Variants in AXIN1 observed in about 807,000 individuals in gnomAD.
The protein encoded by AXIN1 is axin 1.
Under a neutral mutation model 76.4 loss-of-function variants are expected in AXIN1, and 30 were observed. The ratio of observed to expected loss-of-function variants is 0.39; its 90% CI spans 0.29 to 0.53. The LOEUF is 0.53. Among genes scored for constraint, AXIN1 ranks in the 20% least tolerant of loss-of-function variants. AXIN1 has a pLI of 0.66. For synonymous variants in AXIN1, 545 were observed against 501.4 expected, an observed-to-expected ratio of 1.09 and a Z score of -1.16; for missense variants, 1,140 against 1,198.8, an observed-to-expected ratio of 0.95 and a Z score of 0.72.
At chr16:329,641 A>T (rs1221269655) in intron 2 of AXIN1, among the ~76,000 whole-genome samples, 1 of 148,816 alleles carries the variant, frequency 6.7e-6, no homozygotes, top group African/African-American at 2.5e-5. Flanking sequence ...TTTGAGACGG[A>T]GTCTCGCTAT....
intron 2 of AXIN1, among the ~76,000 whole-genome samples, chr16:328,785 C>A (rs891586811): frequency 9.2e-5 from 14 of 152,230 alleles, no homozygotes; most frequent in Admixed American, 9.2e-4. Flanking sequence ...CACATGGCAA[C>A]GGGTGCTACA....
In AXIN1 at chr16:352,467, G is replaced by A. The variant is rs1465376180; in HGVS notation, c.-180C>T. ...GCGGCAGCGCGGCGGGCGGGACCCG[G>A]CGGGGGCGCGGCCCGGGGCGGCCCC... On this transcript the variant is annotated 5_prime_UTR_variant, in exon 1 of 11. Transcript: ENST00000262320. 97 of 964,888 alleles carry A rather than the reference G, an allele frequency of 1.0e-4. No individual in the cohort carries two copies. The Middle Eastern group carries it at 1.6e-3, about 16-fold the overall frequency. The allele number at this position is 964,888 out of a possible 1,614,324, so 59.8% of individuals were successfully genotyped here.
chr16:337,365 C>A (rs950279281), intron 2 of AXIN1, among the ~76,000 whole-genome samples: 17 of 151,882 alleles, frequency 1.1e-4, no homozygotes, highest in African/African-American at 4.1e-4. Context: ...TGCCACTGGG[C>A]ATTCAAGTCA....
chr16:304,225 G>A (rs2141543921), intron 5 of AXIN1, 79 bp downstream of exon 5: 5 of 1,596,420 alleles, frequency 3.1e-6, no homozygotes, highest in Admixed American at 1.7e-5. Context: ...GCATCCCCAT[G>A]AAGAACATCA....
rs201303569 is a variant in AXIN1 at position 320,737 on chromosome 16, A to ATTT, written c.879-6055_879-6054insAAA. 2.5e-3 allele frequency among the ~76,000 whole-genome samples: 225 copies of ATTT among 89,500 alleles called. 3 individuals are homozygous for ATTT. Among genetic ancestry groups the ATTT allele is most frequent in the Middle Eastern group, 5.0e-3 (1 of 202 alleles). 58.7% of individuals were successfully genotyped at this position (89,500 alleles called of 152,430 possible). On this transcript the variant is annotated intron_variant, in intron 2 of 10. Transcript: ENST00000262320. Reference sequence around the variant, plus strand: ...TGCGTGTGTGTGTATATATATATATATATATATTTTTTTTTTTTTTGAGAC... The same window carrying ATTT: ...TGCGTGTGTGTGTATATATATATATATTTTATATATTTTTTTTTTTTTTGAGAC...
intron 2 of AXIN1, among the ~76,000 whole-genome samples, chr16:322,613 C>T (rs761301147): frequency 2.0e-5 from 3 of 152,202 alleles, no homozygotes; most frequent in East Asian, 1.9e-4. Context: ...CATGCAGACT[C>T]GGGTGTGCGT....
Position 314,588 on chromosome 16 carries a change from C to A in AXIN1, c.974G>T (p.Ser325Ile), listed in dbSNP as rs2141592995. ...CAGGGTGTCTGCATCGCTGGACAGG[C>A]TCTGCTGCTCGCTGTCGTTGGCACT... ...ATSANDSEQQ[S>I]LSSDADTLSL... The change falls in exon 3 of 11, where the codon AGC becomes ATC. Residue 325 changes from serine to isoleucine, a missense_variant. Physicochemically the swap from Ser to Ile is moderately radical, Grantham distance 142. Around this residue, in one of 3 missense-constraint regions of AXIN1, gnomAD observed 708 missense variants for 776.9 expected, o/e 0.91. Transcript: ENST00000262320. 1 of 1,613,984 alleles carries A rather than the reference C, an allele frequency of 6.2e-7. No homozygotes were observed. The highest frequency in any genetic ancestry group is 8.5e-7 in the Non-Finnish European group (1 of 1,179,966).
chr16:288,074 G>C lies in AXIN1; in HGVS notation c.*48C>G, dbSNP rs368299366. 4 of 1,612,022 alleles carry C rather than the reference G, an allele frequency of 2.5e-6. No homozygotes were observed. The highest frequency in any genetic ancestry group is 3.4e-6 in the Non-Finnish European group (4 of 1,179,900). On this transcript the variant is annotated 3_prime_UTR_variant, in exon 11 of 11. Transcript: ENST00000262320. Reference sequence around the variant, plus strand: ...GGTCATCTGCCTGGCCGTGACACCCGTGCCCGCCAAGGGCCTCGCCTGGCA... The same window carrying C: ...GGTCATCTGCCTGGCCGTGACACCCCTGCCCGCCAAGGGCCTCGCCTGGCA...
Position 303,519 on chromosome 16 carries a change from T to C in AXIN1, c.1254+785A>G, listed in dbSNP as rs547402459. On this transcript the variant is annotated intron_variant, in intron 5 of 10. Transcript: ENST00000262320. ...GCCTCAGCCTCCTGAGTAGTTGGGA[T>C]TACAGGCACCTGACACCAACCCGGC... Among the ~76,000 whole-genome samples, 8 of 152,018 alleles carry C rather than the reference T, an allele frequency of 5.3e-5. 1 individual carries two copies. The highest frequency in any genetic ancestry group is 4.2e-4 in the South Asian group (2 of 4,812).
chr16:296,303 C>G (rs2052710379), intron 7 of AXIN1, among the ~76,000 whole-genome samples: 3 of 152,264 alleles, frequency 2.0e-5, no homozygotes, highest in Non-Finnish European at 2.9e-5. Context: ...GGAGATGCGT[C>G]CTGGCCAGGG....
At chr16:349,311 G>T (rs1201535269) in intron 1 of AXIN1, among the ~76,000 whole-genome samples, 1 of 152,072 alleles carries the variant, frequency 6.6e-6, no homozygotes, top group African/African-American at 2.4e-5. Flanking sequence ...ACATCCTGCT[G>T]CTCACAGACC....
rs111364482 is a variant in AXIN1 at position 304,160 on chromosome 16, A to C, written c.1254+144T>G. ...TGGGGCTCGGCTGCAGAGAAAGGGG[A>C]ACAGGGGACTCAGCCGGGAGGCCTC... On this transcript the variant is annotated intron_variant, in intron 5 of 10. Transcript: ENST00000262320. 2.0e-3 allele frequency: 2,842 copies of C among 1,388,492 alleles called. 39 individuals carry two copies. The African/African-American group carries it at 0.028, about 14-fold the overall frequency. 86.0% of individuals were successfully genotyped at this position (1,388,492 alleles called of 1,614,324 possible).
intron 2 of AXIN1, among the ~76,000 whole-genome samples, chr16:329,098 T>C (rs1455776037): frequency 6.6e-6 from 1 of 151,696 alleles, no homozygotes; most frequent in African/African-American, 2.4e-5. Context: ...ACCGACATGG[T>C]GAAACCCTGT....
intron 5 of AXIN1, chr16:299,067 T>A (rs1157385680): frequency 1.0e-6 from 1 of 985,198 alleles, no homozygotes; most frequent in Non-Finnish European, 1.2e-6. Context: ...GCGCCCGGCC[T>A]CCCATTATAT....
At position 291,175 on chromosome 16, in the gene AXIN1, T is replaced by G. The variant is rs900892704; in HGVS notation, c.2294+15A>C. On this transcript the variant is annotated intron_variant, in intron 9 of 10. Coordinates refer to ENST00000262320, the MANE Select transcript of AXIN1 (RefSeq NM_003502.4). ...GGGGTGGGCAGGACCGGGAGGACCC[T>G]CAGGACGCACGTACTCTGTCTCGGA... The G allele has an allele frequency of 1.3e-6, 2 of 1,567,778 alleles. No homozygotes were observed. Among genetic ancestry groups the G allele is most frequent in the Non-Finnish European group, 1.7e-6 (2 of 1,156,264 alleles).
At chr16:303,152 C>T (rs554031362) in intron 5 of AXIN1, among the ~76,000 whole-genome samples, 29 of 152,224 alleles carry the variant, frequency 1.9e-4, no homozygotes, top group East Asian at 1.4e-3. Context: ...GTGCACTGCC[C>T]GCCCGGCCAG....
intron 2 of AXIN1, among the ~76,000 whole-genome samples, chr16:343,756 G>A (rs550504746): frequency 6.5e-4 from 98 of 151,244 alleles, no homozygotes; most frequent in African/African-American, 2.1e-3. Flanking sequence ...GCTCCCACCC[G>A]TAATCCCAGC....
At chr16:345,083 G>A (rs1031555413) in intron 2 of AXIN1, among the ~76,000 whole-genome samples, 1 of 152,016 alleles carries the variant, frequency 6.6e-6, no homozygotes, top group Non-Finnish European at 1.5e-5. Context: ...CACAAGCACA[G>A]TAGATGCCAG....
At chr16:309,410 T>C (rs568219832) in intron 4 of AXIN1, among the ~76,000 whole-genome samples, 9 of 152,342 alleles carry the variant, frequency 5.9e-5, no homozygotes, top group South Asian at 2.1e-4. Flanking sequence ...GAATGCTCTG[T>C]AGACGGAGTC....
Sources: gnomAD v4.1 joint callset for allele counts (sites outside exome capture counted in the v4.1 genomes callset) on GRCh38, gnomAD v4.1.1 for gene constraint, gnomAD v4.1.1 regional missense constraint, MANE v1.5 for transcripts, NCBI Gene and HGNC (gene_info 2026-07-23, HGNC 2026-07-21) for gene names.